Variants in PLCXD3 observed in about 807,000 individuals in gnomAD.
PLCXD3 encodes PI-PLC X domain-containing protein 3.
A neutral mutation model predicts 25.5 loss-of-function variants in PLCXD3; 19 were observed. The ratio of observed to expected loss-of-function variants is 0.75; its 90% CI spans 0.52 to 1.09. The LOEUF (loss-of-function observed/expected upper bound fraction) is 1.09. Among genes scored for constraint, PLCXD3 ranks in the 50% least tolerant of loss-of-function variants. The probability of loss-of-function intolerance (pLI) is 0.00; values close to 1 mark genes in which losing one functional copy is unlikely to be tolerated. For synonymous variants in PLCXD3, 174 were observed against 137.6 expected (o/e 1.26, Z -1.85); for missense variants, 411 against 388.1 (o/e 1.06, Z -0.50).
At chr5:41,346,748 T>C (rs2150479542) in intron 2 of PLCXD3, among the ~76,000 whole-genome samples, 1 of 152,356 alleles carries the variant, frequency 6.6e-6, no homozygotes, top group East Asian at 1.9e-4. Context: ...TGAACTTACA[T>C]GCTATGCCGT....
intron 2 of PLCXD3, among the ~76,000 whole-genome samples, chr5:41,337,939 A>G (rs16871237): frequency 0.014 from 2,082 of 152,222 alleles, 52 homozygotes; most frequent in African/African-American, 0.048. Flanking sequence ...AAATCATATT[A>G]CCTGACACTT....
intron 2 of PLCXD3, among the ~76,000 whole-genome samples, chr5:41,376,095 G>A (rs983321485): frequency 6.6e-6 from 1 of 152,084 alleles, no homozygotes; most frequent in African/African-American, 2.4e-5. Context: ...TAATATTAGT[G>A]TATACTCACA....
intron 2 of PLCXD3, among the ~76,000 whole-genome samples, chr5:41,350,043 G>C (rs1744408165): frequency 6.6e-6 from 1 of 151,946 alleles, no homozygotes; most frequent in Non-Finnish European, 1.5e-5. Context: ...CTCCGCAATG[G>C]GTGAAGTTGA....
chr5:41,362,868 G>A (rs1379503955), intron 2 of PLCXD3, among the ~76,000 whole-genome samples: 5 of 135,938 alleles, frequency 3.7e-5, no homozygotes, highest in Non-Finnish European at 4.6e-5. Context: ...GTAACAAGTC[G>A]AATCTCTCTC....
chr5:41,499,334 G>T lies in PLCXD3; in HGVS notation c.103+11090C>A, dbSNP rs6864368. Among the ~76,000 whole-genome samples the T allele has an allele frequency of 8.5e-4, 129 of 151,662 alleles. 1 individual carries two copies. The highest frequency in any genetic ancestry group is 3.0e-3 in the African/African-American group (123 of 41,482). ...ACAAAATCAACATTAAAAATCAGTT[G>T]TGTTTTTATACACTAAAAATGAGCA... On this transcript the variant is annotated intron_variant, in intron 1 of 2. Coordinates refer to ENST00000377801, the MANE Select transcript of PLCXD3 (RefSeq NM_001005473.3).
intron 1 of PLCXD3, among the ~76,000 whole-genome samples, chr5:41,490,695 C>A (rs1748646616): frequency 6.6e-6 from 1 of 152,190 alleles, no homozygotes; most frequent in Non-Finnish European, 1.5e-5. Context: ...TTATCCATTT[C>A]TTCTAGATTT....
At chr5:41,417,065 C>G (rs1024127638) in intron 1 of PLCXD3, among the ~76,000 whole-genome samples, 2 of 152,126 alleles carry the variant, frequency 1.3e-5, no homozygotes, top group Non-Finnish European at 2.9e-5. Flanking sequence ...AAATCTGTGG[C>G]CAACACTAAC....
At chr5:41,331,622 C>G (rs1743807543) in intron 2 of PLCXD3, among the ~76,000 whole-genome samples, 2 of 152,112 alleles carry the variant, frequency 1.3e-5, no homozygotes, top group African/African-American at 4.8e-5. Context: ...CAAAAAAGAG[C>G]CCGCATCCCC....
intron 1 of PLCXD3, among the ~76,000 whole-genome samples, chr5:41,468,989 T>C (rs2124943): frequency 0.64 from 96,704 of 152,024 alleles, 31,920 homozygotes; most frequent in Admixed American, 0.73. Flanking sequence ...ATTTTCACCA[T>C]TGGGAATGAT....
At chr5:41,368,979 AT>A in intron 2 of PLCXD3, among the ~76,000 whole-genome samples, 1 of 152,176 alleles carries the variant, frequency 6.6e-6, no homozygotes, top group Non-Finnish European at 1.5e-5. Flanking sequence ...CTCCATCTTT[AT>A]TACTTGTAAG....
chr5:41,429,803 C>T (rs993848894), intron 1 of PLCXD3, among the ~76,000 whole-genome samples: 1 of 152,132 alleles, frequency 6.6e-6, no homozygotes, highest in African/African-American at 2.4e-5. Flanking sequence ...CATCTATTCA[C>T]ACCCAAACTA....
chr5:41,395,991 G>T (rs559450774), intron 1 of PLCXD3, among the ~76,000 whole-genome samples: 7 of 138,082 alleles, frequency 5.1e-5, no homozygotes, highest in African/African-American at 8.6e-5. Flanking sequence ...TCAGACAAAG[G>T]CCCATCAAAG....
intron 1 of PLCXD3, among the ~76,000 whole-genome samples, chr5:41,491,008 T>C (rs1394551090): frequency 6.6e-6 from 1 of 152,188 alleles, no homozygotes; most frequent in East Asian, 1.9e-4. Flanking sequence ...GCTTTTCTAG[T>C]TCTTTTAATT....
chr5:41,461,750 C>T (rs1414166916), intron 1 of PLCXD3, among the ~76,000 whole-genome samples: 3 of 151,972 alleles, frequency 2.0e-5, no homozygotes, highest in East Asian at 1.9e-4. Flanking sequence ...GCTCCCAAAT[C>T]GTAGCAGCAG....
chr5:41,389,268 G>C (rs1245300706), intron 1 of PLCXD3, among the ~76,000 whole-genome samples: 1 of 152,058 alleles, frequency 6.6e-6, no homozygotes, highest in East Asian at 1.9e-4. Context: ...CATGTTACAA[G>C]ATACTGGCAT....
intron 1 of PLCXD3, among the ~76,000 whole-genome samples, chr5:41,385,239 G>A (rs1745600720): frequency 6.6e-6 from 1 of 151,902 alleles, no homozygotes; most frequent in East Asian, 1.9e-4. Flanking sequence ...GGCTATATCT[G>A]GTCTGATATT....
At chr5:41,499,360 G>C (rs945454888) in intron 1 of PLCXD3, among the ~76,000 whole-genome samples, 1 of 151,470 alleles carries the variant, frequency 6.6e-6, no homozygotes, top group Non-Finnish European at 1.5e-5. Context: ...AAAATGAGCA[G>C]TCTGAAAAGA....
intron 1 of PLCXD3, among the ~76,000 whole-genome samples, chr5:41,461,039 A>G (rs1284179501): frequency 6.6e-6 from 1 of 152,012 alleles, no homozygotes; most frequent in Non-Finnish European, 1.5e-5. Context: ...ATTTTCTGAT[A>G]GGACCCAAAA....
intron 1 of PLCXD3, among the ~76,000 whole-genome samples, chr5:41,495,286 G>C (rs996903186): frequency 6.6e-6 from 1 of 152,236 alleles, no homozygotes; most frequent in African/African-American, 2.4e-5. Context: ...GTAGAAGAGA[G>C]CTAATGAGAC....
Sources: allele counts gnomAD v4.1 joint callset (sites outside exome capture counted in the v4.1 genomes callset), GRCh38; gene constraint gnomAD v4.1.1; transcripts MANE v1.5; gene names NCBI Gene and HGNC (gene_info 2026-07-23, HGNC 2026-07-21).